LIMK1: variants seen among roughly 807,000 people sequenced by gnomAD.
LIMK1 encodes the protein LIM domain kinase 1.
Under a neutral mutation model 77.6 loss-of-function variants are expected in LIMK1, and 21 were observed. The observed-to-expected ratio is 0.27, with a 90% CI of 0.19 to 0.39. The LOEUF is 0.39. Among genes scored for constraint, LIMK1 ranks in the 10% least tolerant of loss-of-function variants. The pLI, the probability that LIMK1 is intolerant of heterozygous loss-of-function variation, is 1.00. For synonymous variants in LIMK1, 358 were observed against 370.0 expected (o/e 0.97, Z 0.37); for missense variants, 696 against 901.6 (o/e 0.77, Z 2.92).
chr7:74,094,803 C>T (rs535984485), intron 2 of LIMK1, among the ~76,000 whole-genome samples: 3 of 151,878 alleles, frequency 2.0e-5, no homozygotes, highest in Admixed American at 6.6e-5. Context: ...GTGACCCTGA[C>T]GTGGCGTCTC....
At chr7:74,091,953 G>C (rs2855768) in intron 2 of LIMK1, among the ~76,000 whole-genome samples, 3 of 128,890 alleles carry the variant, frequency 2.3e-5, no homozygotes, top group Non-Finnish European at 4.8e-5. Flanking sequence ...TGGCTGTACA[G>C]CTTTTTTTTT....
intron 2 of LIMK1, among the ~76,000 whole-genome samples, chr7:74,094,842 C>T (rs1271794834): frequency 1.3e-5 from 2 of 152,044 alleles, no homozygotes; most frequent in Admixed American, 6.6e-5. Context: ...CCACCACCTC[C>T]GGTGGCCCAG....
In LIMK1 at chr7:74,120,993, C is replaced by G. The variant is rs782390592; in HGVS notation, c.1725C>G (p.Cys575Trp). ...TGGACCGCTACTGCCCCCCAAACTG[C>G]CCCCCGAGCTTCTTCCCCATCACCG... The part of the protein sequence containing the change: ...GFLDRYCPPN[C>W]PPSFFPITVR... Residue 575 changes from cysteine (C) to tryptophan (W), a missense_variant, in exon 15 of 16, where the codon TGC (cysteine) becomes TGG (tryptophan). Physicochemically the swap from Cys to Trp is radical, Grantham distance 215. Transcript: ENST00000336180. 2 of 1,593,158 alleles carry G rather than the reference C, an allele frequency of 1.3e-6. No homozygotes were observed.
chr7:74,096,527 C>A, intron 2 of LIMK1, 95 bp from the exon 3 acceptor site: 3 of 1,519,956 alleles, frequency 2.0e-6, no homozygotes, highest in Non-Finnish European at 2.7e-6. Context: ...AAAACTTGTT[C>A]TAATTCTTAC....
chr7:74,108,021 A>C, intron 9 of LIMK1, 64 bp downstream of exon 9: 1 of 1,237,258 alleles, frequency 8.1e-7, no homozygotes, highest in South Asian at 1.3e-5. Flanking sequence ...CTGCCCCATC[A>C]ACACAGGTCG....
rs185109052 is a variant in LIMK1 at position 74,117,687 on chromosome 7, G to A, written c.1567+1729G>A. On this transcript the variant is annotated intron_variant, in intron 13 of 15. Coordinates refer to ENST00000336180, the MANE Select transcript of LIMK1 (RefSeq NM_002314.4). ...GCATGTGGCGTGGTGCCTAATGCCTGTGGTCCCAGCTACTCAGGAAGCCAA... is the reference window on the plus strand; with the variant it reads ...GCATGTGGCGTGGTGCCTAATGCCTATGGTCCCAGCTACTCAGGAAGCCAA... 4.3e-4 allele frequency among the ~76,000 whole-genome samples: 65 copies of A among 152,250 alleles called. 1 individual carries two copies. In the East Asian group the frequency reaches 0.013, roughly 29 times the overall value.
intron 2 of LIMK1, among the ~76,000 whole-genome samples, chr7:74,091,913 G>A (rs1799244097): frequency 6.9e-6 from 1 of 145,764 alleles, no homozygotes; most frequent in African/African-American, 2.5e-5. Context: ...GGGGTGCATA[G>A]AGCCTTGTGG....
chr7:74,113,943 G>A (rs918981066), intron 12 of LIMK1, among the ~76,000 whole-genome samples: 12 of 151,386 alleles, frequency 7.9e-5, no homozygotes, highest in African/African-American at 1.9e-4. Flanking sequence ...GCAACAGAGC[G>A]AGCCCCTGTT....
At chr7:74,099,823 A>G (rs371901448) in intron 5 of LIMK1, among the ~76,000 whole-genome samples, 18 of 152,050 alleles carry the variant, frequency 1.2e-4, no homozygotes, top group African/African-American at 4.3e-4. Flanking sequence ...GAACCAAGTC[A>G]AGAATGAGTG....
At chr7:74,092,697 G>A (rs370497444) in intron 2 of LIMK1, among the ~76,000 whole-genome samples, 1 of 152,316 alleles carries the variant, frequency 6.6e-6, no homozygotes, top group South Asian at 2.1e-4. Context: ...TGGCAGCTGG[G>A]TGGGCTGGCC....
At chr7:74,107,472 G>A (rs923374595) in intron 8 of LIMK1, among the ~76,000 whole-genome samples, 23 of 152,248 alleles carry the variant, frequency 1.5e-4, no homozygotes, top group Middle Eastern at 6.8e-3. Flanking sequence ...AAGGCTGTAG[G>A]ATCGCTTGAG....
chr7:74,083,952 CAG>C lies in LIMK1; in HGVS notation c.-38_-37del. ...GCGAGCTCGCGGGCCCGGCCGCCCC[CAG>C]CCCCAGCCCCGCCGGGCCCCGCCCC... On this transcript the variant is annotated 5_prime_UTR_variant, in exon 1 of 16. Transcript: ENST00000336180. 1 of 966,094 alleles carries C rather than the reference CAG, an allele frequency of 1.0e-6. No homozygotes were observed. Among genetic ancestry groups the C allele is most frequent in the Non-Finnish European group, 1.4e-6 (1 of 739,770 alleles). 59.8% of individuals were successfully genotyped at this position (966,094 alleles called of 1,614,324 possible).
chr7:74,115,422 G>GAA (rs879954399), intron 12 of LIMK1: 45 of 183,124 alleles, frequency 2.5e-4, no homozygotes, highest in East Asian at 9.6e-4. Context: ...GACTCCGTCT[G>GAA]AAAAAAAAAA....
At chr7:74,099,454 G>A (rs1040156105) in intron 5 of LIMK1, among the ~76,000 whole-genome samples, 1 of 152,168 alleles carries the variant, frequency 6.6e-6, no homozygotes, top group African/African-American at 2.4e-5. Flanking sequence ...TTTTCAACCG[G>A]GCATGGTGGC....
At chr7:74,093,250 A>C (rs1799273431) in intron 2 of LIMK1, 3 of 1,535,836 alleles carry the variant, frequency 2.0e-6, no homozygotes, top group Non-Finnish European at 2.6e-6. Context: ...GCCACAGAGG[A>C]TGCTGTTGGC....
chr7:74,096,823 C>T, intron 3 of LIMK1, 63 bp downstream of exon 3: 4 of 1,519,622 alleles, frequency 2.6e-6, no homozygotes, highest in Non-Finnish European at 3.5e-6. Flanking sequence ...CCCCATGCTC[C>T]AGGTCTCTCT....
Position 74,116,851 on chromosome 7 carries a change from A to T in LIMK1, c.1567+893A>T, listed in dbSNP as rs528249342. 9.2e-5 allele frequency among the ~76,000 whole-genome samples: 14 copies of T among 151,754 alleles called. No individual in the cohort carries two copies. In the East Asian group the frequency reaches 2.7e-3, roughly 29 times the overall value. ...TGAATAGCTGGGACCACAGGCATGC[A>T]ACACCACACCCAGCTAATTTTTTTA... On this transcript the variant is annotated intron_variant, in intron 13 of 15. Coordinates refer to ENST00000336180, the MANE Select transcript of LIMK1 (RefSeq NM_002314.4).
chr7:74,115,513 C>T, intron 12 of LIMK1: 1 of 380,052 alleles, frequency 2.6e-6, no homozygotes, highest in Non-Finnish European at 4.8e-6. Flanking sequence ...CAGGAGGGAG[C>T]AGTGGGTCCG....
At chr7:74,113,872 C>T (rs1799752621) in intron 12 of LIMK1, among the ~76,000 whole-genome samples, 1 of 152,034 alleles carries the variant, frequency 6.6e-6, no homozygotes, top group Non-Finnish European at 1.5e-5. Context: ...GGGAGGATCC[C>T]TTGAGTCCAG....
Sources: gnomAD v4.1 joint callset for allele counts (sites outside exome capture counted in the v4.1 genomes callset) on GRCh38, gnomAD v4.1.1 for gene constraint, MANE v1.5 for transcripts, NCBI Gene and HGNC (gene_info 2026-07-23, HGNC 2026-07-21) for gene names.